Variants in CCAR1 observed in about 807,000 individuals in gnomAD.
The protein encoded by CCAR1 is cell division cycle and apoptosis regulator protein 1.
In CCAR1, 78 loss-of-function variants were observed where a neutral mutation model predicts 163.8. That is an observed-to-expected ratio of 0.48 (90% confidence interval 0.40 to 0.57). The LOEUF (loss-of-function observed/expected upper bound fraction) is 0.57. Ranked by LOEUF, CCAR1 falls within the 20% of genes least tolerant of loss-of-function variation. The probability of loss-of-function intolerance (pLI) is 0.00; values close to 1 mark genes in which losing one functional copy is unlikely to be tolerated. For synonymous variants in CCAR1, 443 were observed against 460.7 expected (o/e 0.96, Z 0.49); for missense variants, 1,019 against 1,365.2 (o/e 0.75, Z 4.00).
intron 18 of CCAR1, among the ~76,000 whole-genome samples, chr10:68,772,643 A>G (rs1287236804): frequency 6.6e-6 from 1 of 152,014 alleles, no homozygotes; most frequent in African/African-American, 2.4e-5. Context: ...CTGTAATCCC[A>G]GCACTTTGGG....
intron 19 of CCAR1, 120 bp from the exon 20 acceptor site, chr10:68,786,016 C>G: frequency 1.5e-6 from 1 of 663,214 alleles, no homozygotes; most frequent in Admixed American, 2.3e-5. Flanking sequence ...AGTCATAGCT[C>G]ACTACACCCT....
intron 21 of CCAR1, among the ~76,000 whole-genome samples, chr10:68,787,655 G>A (rs1404550122): frequency 1.3e-5 from 2 of 152,040 alleles, no homozygotes; most frequent in Admixed American, 6.6e-5. Flanking sequence ...GGCTAACATG[G>A]TGAAACCCTG....
At chr10:68,764,429 C>T (rs779113414) in intron 16 of CCAR1, among the ~76,000 whole-genome samples, 5 of 151,846 alleles carry the variant, frequency 3.3e-5, no homozygotes, top group Non-Finnish European at 5.9e-5. Context: ...TGGCTGTAGT[C>T]TCAGCTACTG....
At chr10:68,749,380 G>T in intron 9 of CCAR1, 115 bp downstream of exon 9, 1 of 1,284,776 alleles carries the variant, frequency 7.8e-7, no homozygotes, top group Non-Finnish European at 1.0e-6. Flanking sequence ...TAAATTTTAT[G>T]TTATGTCTAT....
intron 19 of CCAR1, among the ~76,000 whole-genome samples, chr10:68,774,053 C>T (rs1034191647): frequency 1.3e-5 from 2 of 151,956 alleles, no homozygotes; most frequent in Admixed American, 6.6e-5. Context: ...CCACCACACC[C>T]GGCTAATTTT....
intron 4 of CCAR1, among the ~76,000 whole-genome samples, chr10:68,739,491 C>T (rs1350659869): frequency 6.6e-6 from 1 of 152,096 alleles, no homozygotes; most frequent in African/African-American, 2.4e-5. Context: ...CAATTCATAA[C>T]TTCTTTGTCC....
In CCAR1 at chr10:68,765,987, G is replaced by A; in HGVS notation, c.2206G>A (p.Ala736Thr). 6.2e-7 allele frequency: 1 copy of A among 1,613,886 alleles called. No homozygotes were observed. The highest frequency in any genetic ancestry group is 8.5e-7 in the Non-Finnish European group (1 of 1,179,852). ...EPAIIVHPNW[A>T]AKSGKFDCSI... The stretch of plus-strand genomic sequence containing the variant: ...GGCCATCATTGTACATCCAAATTGG[G>A]CTGCAAAAAGTGGCAAGTTTGATTG... Residue 736 changes from alanine (A) to threonine (T), a missense_variant, in exon 17 of 25, where the codon GCT becomes ACT. Transcript: ENST00000265872.
At chr10:68,723,381 G>A (rs931475180) in intron 2 of CCAR1, among the ~76,000 whole-genome samples, 4 of 150,006 alleles carry the variant, frequency 2.7e-5, no homozygotes, top group South Asian at 2.1e-4. Context: ...TGCCCGCCTC[G>A]GCCTCCCGAA....
intron 2 of CCAR1, among the ~76,000 whole-genome samples, chr10:68,723,602 A>G (rs2055893422): frequency 1.3e-5 from 2 of 151,582 alleles, no homozygotes; most frequent in Admixed American, 1.3e-4. Context: ...TAATCCCAGC[A>G]CTTTGGGAGG....
At chr10:68,740,101 C>T (rs907097086) in intron 4 of CCAR1, among the ~76,000 whole-genome samples, 1 of 152,024 alleles carries the variant, frequency 6.6e-6, no homozygotes, top group Non-Finnish European at 1.5e-5. Context: ...GGATTGATGA[C>T]CAGTGATATT....
At chr10:68,783,102 C>T (rs1169376506) in intron 19 of CCAR1, among the ~76,000 whole-genome samples, 5 of 150,608 alleles carry the variant, frequency 3.3e-5, no homozygotes, top group Admixed American at 6.7e-5. Flanking sequence ...CTCCTGGCCT[C>T]AAATTATCTC....
In CCAR1 at chr10:68,737,893, A is replaced by G. The variant is rs1480332653; in HGVS notation, c.291+4A>G. On this transcript the variant is annotated splice_donor_region_variant and intron_variant, in intron 4 of 24. Coordinates refer to ENST00000265872, the MANE Select transcript of CCAR1 (RefSeq NM_018237.4). ...CCTGTATAGTGTGCAACAACAGGTT[A>G]GTTTATATTTTCCGTGTTAAAAACT... The G allele has an allele frequency of 1.9e-6, 3 of 1,581,286 alleles. No homozygotes were observed. The East Asian group carries it at 6.8e-5, about 36-fold the overall frequency.
At chr10:68,755,612 T>TC (rs1433729785) in intron 13 of CCAR1, 76 bp downstream of exon 13, 5 of 1,284,678 alleles carry the variant, frequency 3.9e-6, no homozygotes, top group Non-Finnish European at 5.3e-6. Context: ...ATCAGCCTTT[T>TC]CCCCCCGGCT....
At chr10:68,754,860 T>C in intron 12 of CCAR1, 33 bp downstream of exon 12, 1 of 1,176,968 alleles carries the variant, frequency 8.5e-7, no homozygotes, top group Non-Finnish European at 1.3e-6. Flanking sequence ...ACTTTAGATG[T>C]ATTCACTTTG....
intron 8 of CCAR1, 152 bp downstream of exon 8, chr10:68,747,718 A>G: frequency 1.7e-6 from 1 of 590,076 alleles, no homozygotes; most frequent in Non-Finnish European, 2.9e-6. Flanking sequence ...GCTATGTGGA[A>G]GTATTTTTTT....
At chr10:68,790,003 A>C in intron 24 of CCAR1, 88 bp downstream of exon 24, 2 of 804,164 alleles carry the variant, frequency 2.5e-6, no homozygotes, top group Non-Finnish European at 3.8e-6. Context: ...TTAAGCTCTT[A>C]GTGATTATTC....
At position 68,730,346 on chromosome 10, in the gene CCAR1, T is replaced by TA. The variant is rs57001684; in HGVS notation, c.74-6530_74-6529insA. Among the ~76,000 whole-genome samples, 5 of 150,378 alleles carry TA rather than the reference T, an allele frequency of 3.3e-5. No homozygotes were observed. In the East Asian group the frequency reaches 7.9e-4, roughly 24 times the overall value. On this transcript the variant is annotated intron_variant, in intron 2 of 24. Transcript: ENST00000265872. ...AAAAGAATATATATATATATATATA[T>TA]TTATTTTTTGAGATGGAGTCTAGCT...
At chr10:68,775,878 G>T (rs1317515428) in intron 19 of CCAR1, among the ~76,000 whole-genome samples, 1 of 151,472 alleles carries the variant, frequency 6.6e-6, no homozygotes. Context: ...TGTATTTATG[G>T]TAGAGACGGA....
chr10:68,774,574 C>T (rs1465561642), intron 19 of CCAR1, among the ~76,000 whole-genome samples: 2 of 150,710 alleles, frequency 1.3e-5, no homozygotes, highest in Middle Eastern at 3.5e-3. Context: ...GAGGTTGCAG[C>T]GAGCCCAGAT....
Sources: allele counts gnomAD v4.1 joint callset (sites outside exome capture counted in the v4.1 genomes callset), GRCh38; gene constraint gnomAD v4.1.1; transcripts MANE v1.5; gene names NCBI Gene and HGNC (gene_info 2026-07-23, HGNC 2026-07-21).